The following IL23R variants were observed in gnomAD, a reference collection of about 807,000 sequenced individuals.
IL23R encodes the protein interleukin-23 receptor.
IL23R carries 34 observed loss-of-function variants against 56.9 expected under a neutral mutation model. The observed-to-expected ratio is 0.60, with a 90% CI of 0.45 to 0.80. The LOEUF (loss-of-function observed/expected upper bound fraction) is 0.80. Among genes scored for constraint, IL23R ranks in the 30% least tolerant of loss-of-function variants. IL23R has a pLI of 0.00. For missense variants in IL23R, 635 were observed against 730.0 expected (o/e 0.87, Z 1.50); for synonymous variants, 230 against 249.2 (o/e 0.92, Z 0.73).
chr1:67,177,809 A>C (rs902176069), intron 3 of IL23R, among the ~76,000 whole-genome samples: 5 of 151,156 alleles, frequency 3.3e-5, no homozygotes, highest in African/African-American at 1.2e-4. Context: ...GGTGCAAGGA[A>C]GGGATCCAGT....
intron 3 of IL23R, among the ~76,000 whole-genome samples, chr1:67,179,363 G>A (rs1647056957): frequency 6.6e-6 from 1 of 152,122 alleles, no homozygotes; most frequent in Non-Finnish European, 1.5e-5. Flanking sequence ...TATGCGTCCA[G>A]GAATTTATCC....
rs770768496 is a variant in IL23R at position 67,258,750 on chromosome 1, T to C, written c.1512T>C (p.Ile504=). The C allele has an allele frequency of 2.4e-5, 39 of 1,612,692 alleles. No individual in the cohort carries two copies. The highest frequency in any genetic ancestry group is 3.0e-5 in the Non-Finnish European group (35 of 1,179,212). Residue 504 remains isoleucine (I), a synonymous_variant, in exon 11 of 11, where the codon ATT becomes ATC. Transcript: ENST00000347310. The part of the protein sequence containing the change: ...EGSHLSNNNE[I]TSLTLKPPVD... ...GCCATCTCAGCAATAATAATGAAAT[T>C]ACTTCCTTAACACTTAAACCACCAG...
chr1:67,161,455 A>T (rs934017542), upstream of IL23R, among the ~76,000 whole-genome samples: 1 of 152,054 alleles, frequency 6.6e-6, no homozygotes, highest in African/African-American at 2.4e-5. Context: ...GAAAACTACT[A>T]TTGATAGCTT....
intron 7 of IL23R, among the ~76,000 whole-genome samples, chr1:67,232,230 A>C (rs571341886): frequency 3.3e-5 from 5 of 152,210 alleles, no homozygotes; most frequent in Non-Finnish European, 7.3e-5. Context: ...TGTGTAATAA[A>C]GGAAAGTAGT....
chr1:67,239,208 A>C (rs890520955), intron 8 of IL23R, among the ~76,000 whole-genome samples: 1 of 152,138 alleles, frequency 6.6e-6, no homozygotes, highest in African/African-American at 2.4e-5. Flanking sequence ...TAATTATTTA[A>C]ATATTTTAGG....
chr1:67,235,853 A>AT (rs1225285287), intron 7 of IL23R, among the ~76,000 whole-genome samples: 1 of 152,158 alleles, frequency 6.6e-6, no homozygotes, highest in Non-Finnish European at 1.5e-5. Context: ...CCCAAAAGTA[A>AT]TTTTTTTAAA....
At chr1:67,141,474 C>G (rs1056696211) in intron 1 of IL23R, among the ~76,000 whole-genome samples, 20 of 151,904 alleles carry the variant, frequency 1.3e-4, no homozygotes, top group Admixed American at 1.0e-3. Flanking sequence ...AAAGTTTTTA[C>G]AAGTCCGGTC....
At chr1:67,196,780 A>C (rs1219059762) in intron 4 of IL23R, among the ~76,000 whole-genome samples, 1 of 152,250 alleles carries the variant, frequency 6.6e-6, no homozygotes, top group African/African-American at 2.4e-5. Context: ...AATGCTTAAA[A>C]AAATGCTTAA....
intron 1 of IL23R, among the ~76,000 whole-genome samples, chr1:67,139,720 T>A (rs1646617619): frequency 6.6e-6 from 1 of 152,174 alleles, no homozygotes. Flanking sequence ...TTATATTTTT[T>A]AAAATAAAGA....
intron 2 of IL23R, 141 bp from the exon 3 acceptor site, chr1:67,169,201 G>T: frequency 9.9e-6 from 5 of 505,736 alleles, no homozygotes; most frequent in East Asian, 3.9e-5. Flanking sequence ...TTTATGAAAA[G>T]ATACATCTAG....
intron 4 of IL23R, among the ~76,000 whole-genome samples, chr1:67,186,795 T>G (rs1353898631): frequency 1.3e-5 from 2 of 152,116 alleles, no homozygotes; most frequent in East Asian, 3.9e-4. Context: ...ATTTTTTTTG[T>G]ATTTTAGTAG....
At chr1:67,170,051 CTAATA>C (rs1286209486) in intron 3 of IL23R, among the ~76,000 whole-genome samples, 3 of 152,152 alleles carry the variant, frequency 2.0e-5, no homozygotes, top group Non-Finnish European at 2.9e-5. Flanking sequence ...TTTTTCTAAA[CTAATA>C]TAATATAATT....
chr1:67,185,444 TC>T (rs1204653450), intron 4 of IL23R, among the ~76,000 whole-genome samples: 1 of 152,174 alleles, frequency 6.6e-6, no homozygotes, highest in African/African-American at 2.4e-5. Context: ...TGTTTTGTTT[TC>T]GTTTTTGTTT....
intron 4 of IL23R, among the ~76,000 whole-genome samples, chr1:67,190,495 A>G (rs1417715565): frequency 6.6e-6 from 1 of 151,600 alleles, no homozygotes; most frequent in Non-Finnish European, 1.5e-5. Flanking sequence ...CTGTAGTCCC[A>G]CTATCTTCAG....
At chr1:67,148,685 G>A (rs998024660) in intron 1 of IL23R, among the ~76,000 whole-genome samples, 3 of 152,188 alleles carry the variant, frequency 2.0e-5, no homozygotes, top group African/African-American at 4.8e-5. Context: ...AAAGATTGGC[G>A]CTACCCTTCC....
At chr1:67,175,202 T>C (rs927206531) in intron 3 of IL23R, among the ~76,000 whole-genome samples, 1 of 152,006 alleles carries the variant, frequency 6.6e-6, no homozygotes, top group African/African-American at 2.4e-5. Context: ...ATAAAAATGT[T>C]TGCCATAACA....
At chr1:67,197,375 G>A (rs1255274638) in intron 4 of IL23R, among the ~76,000 whole-genome samples, 1 of 152,220 alleles carries the variant, frequency 6.6e-6, no homozygotes, top group Non-Finnish European at 1.5e-5. Context: ...ATGGGAATAA[G>A]TTGGATGTAG....
intron 4 of IL23R, among the ~76,000 whole-genome samples, chr1:67,184,424 T>A (rs1474527719): frequency 1.3e-5 from 2 of 151,630 alleles, no homozygotes; most frequent in Non-Finnish European, 2.9e-5. Flanking sequence ...CACACACTTG[T>A]AATCCCAGCT....
At chr1:67,148,799 C>A (rs1646704077) in intron 1 of IL23R, among the ~76,000 whole-genome samples, 1 of 152,152 alleles carries the variant, frequency 6.6e-6, no homozygotes. Flanking sequence ...TGACCAATGG[C>A]TTGGTCAGGC....
Sources: gnomAD v4.1 joint callset for allele counts (sites outside exome capture counted in the v4.1 genomes callset) on GRCh38, gnomAD v4.1.1 for gene constraint, MANE v1.5 for transcripts, NCBI Gene and HGNC (gene_info 2026-07-23, HGNC 2026-07-21) for gene names.